CAST: variants seen among roughly 807,000 people sequenced by gnomAD.
The protein encoded by CAST is calpastatin, also known as MIR583 host.
In CAST, 76 loss-of-function variants were observed where a neutral mutation model predicts 119.6. The observed-to-expected ratio is 0.64, with a 90% CI of 0.53 to 0.77. The LOEUF (loss-of-function observed/expected upper bound fraction) is 0.77, where lower values mean the gene tolerates loss of function less well. Among genes scored for constraint, CAST ranks in the 30% least tolerant of loss-of-function variants. The probability of loss-of-function intolerance (pLI) is 0.00; values close to 1 mark genes in which losing one functional copy is unlikely to be tolerated. For synonymous variants in CAST, 319 were observed against 331.6 expected (o/e 0.96, Z 0.41); for missense variants, 953 against 946.5 (o/e 1.01, Z -0.09).
At chr5:96,533,342 G>C (rs981896231) in intron 1 of CAST, among the ~76,000 whole-genome samples, 4 of 152,188 alleles carry the variant, frequency 2.6e-5, no homozygotes, top group Non-Finnish European at 2.9e-5. Context: ...GAAAATCTCT[G>C]GATTAGAGCT....
chr5:96,152,037 T>A, the CAST span, among the ~76,000 whole-genome samples: 1 of 152,140 alleles, frequency 6.6e-6, no homozygotes, highest in Non-Finnish European at 1.5e-5. Context: ...AGAGCTCACA[T>A]GACAGTCTCA....
intron 1 of CAST, among the ~76,000 whole-genome samples, chr5:96,611,931 G>A (rs1747370942): frequency 1.3e-5 from 2 of 152,062 alleles, no homozygotes; most frequent in Admixed American, 1.3e-4. Flanking sequence ...TTATTAAAAC[G>A]TCAAAAAATA....
rs1188147991 is a variant in CAST, at chr5:96,773,701, A to G, written c.*1085A>G. The G allele has an allele frequency of 6.6e-6, 1 of 152,306 alleles. No individual in the cohort carries two copies. The highest frequency in any genetic ancestry group is 1.9e-4 in the East Asian group (1 of 5,294). The allele number at this position is 152,306 out of a possible 1,614,324, so 9.4% of individuals were successfully genotyped here. ...CTTTGAATGGTTTTCTAATATCTTA[A>G]TGAATAGTTCCTGAACATTGCACTG... is the stretch of plus-strand genomic sequence containing the variant. On this transcript the variant is annotated 3_prime_UTR_variant, in exon 32 of 32. Coordinates refer to ENST00000675179, the MANE Select transcript of CAST (RefSeq NM_001750.7).
chr5:96,014,579 A>G, the CAST span, among the ~76,000 whole-genome samples: 1 of 152,186 alleles, frequency 6.6e-6, no homozygotes, highest in African/African-American at 2.4e-5. Flanking sequence ...TGAGTAATGC[A>G]TTGTGCTATG....
chr5:96,255,748 A>G, the CAST span, among the ~76,000 whole-genome samples: 1 of 151,850 alleles, frequency 6.6e-6, no homozygotes, highest in Non-Finnish European at 1.5e-5. Flanking sequence ...TAATTTTGAG[A>G]CTGTGGCTTG....
chr5:96,683,586 A>G (rs1282051784), intron 2 of CAST, among the ~76,000 whole-genome samples: 2 of 152,166 alleles, frequency 1.3e-5, no homozygotes, highest in Non-Finnish European at 2.9e-5. Flanking sequence ...CTAGCAGGAC[A>G]TGATTAATCA....
the CAST span, among the ~76,000 whole-genome samples, chr5:96,449,344 A>G: frequency 6.6e-6 from 1 of 152,202 alleles, no homozygotes; most frequent in East Asian, 1.9e-4. Context: ...GTAAGCAACC[A>G]TGCCCACCTG....
intron 1 of CAST, among the ~76,000 whole-genome samples, chr5:96,595,933 C>A (rs574510880): frequency 3.2e-4 from 48 of 152,022 alleles, no homozygotes; most frequent in Non-Finnish European, 5.0e-4. Context: ...GGCATAAGAC[C>A]TGGATGTTCA....
the CAST span, chr5:96,247,988 G>A: frequency 2.0e-5 from 3 of 152,222 alleles, no homozygotes; most frequent in Non-Finnish European, 4.4e-5. Flanking sequence ...GTAGCCACTC[G>A]GTGGGGACAG....
chr5:96,657,868 G>T (rs551259263), upstream of CAST, among the ~76,000 whole-genome samples: 63 of 152,274 alleles, frequency 4.1e-4, no homozygotes, highest in Middle Eastern at 3.4e-3. Context: ...AGGCCGAGGC[G>T]AGTGGATCAC....
At chr5:96,052,364 G>A in the CAST span, among the ~76,000 whole-genome samples, 8 of 152,136 alleles carry the variant, frequency 5.3e-5, no homozygotes, top group Admixed American at 4.6e-4. Flanking sequence ...AGTTCAGAAA[G>A]TGATGAGTAC....
At chr5:96,702,602 C>CGGTGCGCAGCCCACACAGCACGT (rs1303697858) in intron 3 of CAST, among the ~76,000 whole-genome samples, 23 of 152,226 alleles carry the variant, frequency 1.5e-4, no homozygotes, top group African/African-American at 4.8e-4. Context: ...AATCAGCCGG[C>CGGTGCGCAGCCCACACAGCACGT]GGTGCGCAGC....
intron 1 of CAST, among the ~76,000 whole-genome samples, chr5:96,612,007 G>A (rs1053477278): frequency 6.6e-6 from 1 of 152,186 alleles, no homozygotes; most frequent in African/African-American, 2.4e-5. Flanking sequence ...ATGTAAATTT[G>A]TTCAGCCACT....
At chr5:96,370,037 C>G in the CAST span, among the ~76,000 whole-genome samples, 1 of 151,956 alleles carries the variant, frequency 6.6e-6, no homozygotes, top group South Asian at 2.1e-4. Flanking sequence ...AAATGGAAAT[C>G]TCTTACATTT....
At chr5:95,974,088 C>A in the CAST span, among the ~76,000 whole-genome samples, 1 of 152,200 alleles carries the variant, frequency 6.6e-6, no homozygotes, top group South Asian at 2.1e-4. Context: ...TGCAGACATT[C>A]CCTCAAGGGG....
the CAST span, among the ~76,000 whole-genome samples, chr5:96,014,376 CTTT>C: frequency 6.6e-6 from 1 of 151,768 alleles, no homozygotes; most frequent in East Asian, 1.9e-4. Flanking sequence ...CCTAAGTTAA[CTTT>C]TTTTTATTAT....
intron 22 of CAST, among the ~76,000 whole-genome samples, chr5:96,755,835 T>C (rs1192146675): frequency 6.6e-6 from 1 of 152,338 alleles, no homozygotes; most frequent in Middle Eastern, 3.4e-3. Context: ...GGCTCATTTG[T>C]ACATTGCTTT....
the CAST span, among the ~76,000 whole-genome samples, chr5:96,164,624 A>G: frequency 2.0e-5 from 3 of 152,220 alleles, no homozygotes; most frequent in African/African-American, 7.2e-5. Context: ...GAAGAGAACA[A>G]GACAGATATA....
intron 3 of CAST, among the ~76,000 whole-genome samples, chr5:96,709,325 A>G (rs1050185345): frequency 2.6e-5 from 4 of 152,194 alleles, no homozygotes; most frequent in Non-Finnish European, 5.9e-5. Flanking sequence ...TTCCTTTCTC[A>G]TTTAGAGAAT....
Sources: gnomAD v4.1 joint callset for allele counts (sites outside exome capture counted in the v4.1 genomes callset) on GRCh38, gnomAD v4.1.1 for gene constraint, MANE v1.5 for transcripts, NCBI Gene and HGNC (gene_info 2026-07-23, HGNC 2026-07-21) for gene names.